Variants in ZNF521 observed in about 807,000 individuals in gnomAD.
ZNF521 encodes the protein LYST-interacting protein 3.
A neutral mutation model predicts 105.5 loss-of-function variants in ZNF521; 14 were observed. That is an observed-to-expected ratio of 0.13 (90% CI 0.09 to 0.21). The LOEUF (loss-of-function observed/expected upper bound fraction) is 0.21, where lower values mean the gene tolerates loss of function less well. Ranked by LOEUF, ZNF521 falls within the 10% of genes least tolerant of loss-of-function variation. ZNF521 has a pLI of 1.00. For synonymous variants in ZNF521, 635 were observed against 606.0 expected, an observed-to-expected ratio of 1.05 and a Z score of -0.70; for missense variants, 1,233 against 1,629.7, an observed-to-expected ratio of 0.76 and a Z score of 4.19.
chr18:25,285,064 A>G (rs75895020), intron 3 of ZNF521, among the ~76,000 whole-genome samples: 10,359 of 139,870 alleles, frequency 0.074, 405 homozygotes, highest in African/African-American at 0.12. Context: ...CAGAAAAGGG[A>G]AAAAAAAAAA....
At chr18:25,181,322 C>A (rs1381651875) in intron 5 of ZNF521, among the ~76,000 whole-genome samples, 2 of 152,182 alleles carry the variant, frequency 1.3e-5, no homozygotes, top group Non-Finnish European at 2.9e-5. Flanking sequence ...TCCTGCAATG[C>A]CAGACAGCCT....
chr18:25,229,954 G>T (rs771420410), intron 3 of ZNF521, among the ~76,000 whole-genome samples: 2 of 152,126 alleles, frequency 1.3e-5, no homozygotes, highest in Non-Finnish European at 2.9e-5. Context: ...TAGAGCAATG[G>T]ACCATTATAA....
chr18:25,167,303 A>G (rs1391835988), intron 5 of ZNF521, among the ~76,000 whole-genome samples: 1 of 152,338 alleles, frequency 6.6e-6, no homozygotes, highest in South Asian at 2.1e-4. Flanking sequence ...ATCTTAAAAC[A>G]TACAAAAAAC....
intron 5 of ZNF521, among the ~76,000 whole-genome samples, chr18:25,154,690 G>A (rs1224287659): frequency 1.3e-5 from 2 of 152,112 alleles, no homozygotes; most frequent in East Asian, 3.8e-4. Context: ...GCTAAAAGGT[G>A]ATAAAATACA....
At chr18:25,339,223 A>T (rs888366626) in intron 2 of ZNF521, among the ~76,000 whole-genome samples, 5 of 152,206 alleles carry the variant, frequency 3.3e-5, no homozygotes, top group Admixed American at 3.3e-4. Context: ...GTCTTCATAG[A>T]CTGTTAGTTC....
At position 25,116,805 on chromosome 18, in the gene ZNF521, A is replaced by G. The variant is rs181873737; in HGVS notation, c.3659-24724T>C. On this transcript the variant is annotated intron_variant, in intron 5 of 7. Coordinates refer to ENST00000361524, the MANE Select transcript of ZNF521 (RefSeq NM_015461.3). ...GTTATGTCTGACTTGAAGAACTAGAAAACATAATTTGGGGCAAGCATAGCC... is the reference window on the plus strand; with the variant it reads ...GTTATGTCTGACTTGAAGAACTAGAGAACATAATTTGGGGCAAGCATAGCC... 3.3e-3 allele frequency among the ~76,000 whole-genome samples: 493 copies of G among 150,882 alleles called. 4 individuals carry two copies. The highest frequency in any genetic ancestry group is 0.011 in the African/African-American group (471 of 41,094).
intron 3 of ZNF521, among the ~76,000 whole-genome samples, chr18:25,317,180 C>A (rs2145130509): frequency 7.4e-6 from 1 of 135,274 alleles, no homozygotes. Flanking sequence ...CTTTGACTAA[C>A]CTGCTGTAGT....
chr18:25,085,120 C>T (rs576419079), intron 7 of ZNF521, among the ~76,000 whole-genome samples: 52 of 152,022 alleles, frequency 3.4e-4, no homozygotes, highest in South Asian at 1.2e-3. Context: ...CCTGGCAGCA[C>T]GCTAGGTGGC....
chr18:25,115,398 T>C (rs2034282481), intron 5 of ZNF521, among the ~76,000 whole-genome samples: 1 of 152,166 alleles, frequency 6.6e-6, no homozygotes, highest in African/African-American at 2.4e-5. Context: ...GGGCTATTAT[T>C]AGAATTGGAA....
intron 5 of ZNF521, among the ~76,000 whole-genome samples, chr18:25,167,097 C>G (rs2035356570): frequency 6.6e-6 from 1 of 152,190 alleles, no homozygotes; most frequent in Non-Finnish European, 1.5e-5. Context: ...CTTCCTAGCA[C>G]AGGTGAACCT....
chr18:25,097,281 CAT>C (rs2033872207), intron 5 of ZNF521, among the ~76,000 whole-genome samples: 1 of 152,108 alleles, frequency 6.6e-6, no homozygotes, highest in Non-Finnish European at 1.5e-5. Flanking sequence ...ATATACAGCA[CAT>C]GTTTCATGAC....
intron 3 of ZNF521, among the ~76,000 whole-genome samples, chr18:25,228,231 G>A (rs769560108): frequency 2.2e-4 from 33 of 152,104 alleles, no homozygotes; most frequent in Admixed American, 6.5e-5. Context: ...ATCTGTTACG[G>A]GGTTCTTATT....
chr18:25,104,223 A>C (rs764712569), intron 5 of ZNF521, among the ~76,000 whole-genome samples: 2 of 152,182 alleles, frequency 1.3e-5, no homozygotes, highest in African/African-American at 2.4e-5. Context: ...GATCCACTTA[A>C]AAAATTTAAA....
chr18:25,285,851 A>G lies in ZNF521; in HGVS notation c.220+36157T>C, dbSNP rs528623570. ...CCCAGGCTTGAAATTGCCTCCATGT[A>G]TCAGGACTGCCACCCTTTTGCTACA... On this transcript the variant is annotated intron_variant, in intron 3 of 7. Transcript: ENST00000361524. Among the ~76,000 whole-genome samples, 14 of 152,288 alleles carry G rather than the reference A, an allele frequency of 9.2e-5. No homozygotes were observed. The South Asian group carries it at 2.9e-3, about 32-fold the overall frequency.
chr18:25,207,305 A>G (rs59706594), intron 4 of ZNF521, among the ~76,000 whole-genome samples: 2,456 of 151,220 alleles, frequency 0.016, 71 homozygotes, highest in African/African-American at 0.057. Context: ...AAACATCCAC[A>G]TGTACATGGT....
In ZNF521 at chr18:25,117,215, T is replaced by G. The variant is rs183279904; in HGVS notation, c.3659-25134A>C. Among the ~76,000 whole-genome samples the G allele has an allele frequency of 2.2e-3, 327 of 151,856 alleles. 2 individuals carry two copies. The highest frequency in any genetic ancestry group is 7.4e-3 in the African/African-American group (307 of 41,432). ...CTCTACCAAGCTCTTTCCTTTCTAG[T>G]GTTTTCCCTCACTCTCTCTCTCTGT... On this transcript the variant is annotated intron_variant, in intron 5 of 7. Transcript: ENST00000361524.
chr18:25,189,463 G>A lies in ZNF521; in HGVS notation c.3658+5697C>T, dbSNP rs977649729. Among the ~76,000 whole-genome samples the A allele has an allele frequency of 5.9e-5, 9 of 152,044 alleles. No homozygotes were observed. In the South Asian group the frequency reaches 8.3e-4, roughly 14 times the overall value. On this transcript the variant is annotated intron_variant, in intron 5 of 7. Coordinates refer to ENST00000361524, the MANE Select transcript of ZNF521 (RefSeq NM_015461.3). Reference sequence around the variant, plus strand: ...ACTAAGCAATAACACTTCATTTTACGTAAGTTTTATCTGATGTCCCCATAC... The same window carrying A: ...ACTAAGCAATAACACTTCATTTTACATAAGTTTTATCTGATGTCCCCATAC...
chr18:25,144,213 T>C (rs551059060), intron 5 of ZNF521, among the ~76,000 whole-genome samples: 1 of 152,236 alleles, frequency 6.6e-6, no homozygotes, highest in African/African-American at 2.4e-5. Context: ...TTATATTACA[T>C]AGACTACATT....
chr18:25,256,981 G>A (rs1468175553), intron 3 of ZNF521, among the ~76,000 whole-genome samples: 1 of 152,040 alleles, frequency 6.6e-6, no homozygotes, highest in South Asian at 2.1e-4. Context: ...TAAAAGAAAG[G>A]AACATTCTGG....
Sources: gnomAD v4.1 joint callset for allele counts (sites outside exome capture counted in the v4.1 genomes callset) on GRCh38, gnomAD v4.1.1 for gene constraint, MANE v1.5 for transcripts, NCBI Gene and HGNC (gene_info 2026-07-23, HGNC 2026-07-21) for gene names.